Variants in FRMD6 observed in about 807,000 individuals in gnomAD.
FRMD6 encodes the protein FERM domain containing 6, also known as FERM domain-containing protein 6.
A neutral mutation model predicts 73.2 loss-of-function variants in FRMD6; 37 were observed. That is an observed-to-expected ratio of 0.51 (90% CI 0.39 to 0.66). The LOEUF (loss-of-function observed/expected upper bound fraction) is 0.66. Among genes scored for constraint, FRMD6 ranks in the 30% least tolerant of loss-of-function variants. The probability of loss-of-function intolerance (pLI) is 0.00; values close to 1 mark genes in which losing one functional copy is unlikely to be tolerated. For missense variants in FRMD6, 714 were observed against 780.5 expected, an observed-to-expected ratio of 0.91 and a Z score of 1.02; for synonymous variants, 273 against 282.2, an observed-to-expected ratio of 0.97 and a Z score of 0.33.
chr14:51,708,707 G>GT (rs34563001), intron 7 of FRMD6, among the ~76,000 whole-genome samples: 1 of 151,638 alleles, frequency 6.6e-6, no homozygotes, highest in Non-Finnish European at 1.5e-5. Context: ...CTTTATATGT[G>GT]TTTTTTTTAA....
the FRMD6 span, among the ~76,000 whole-genome samples, chr14:51,424,060 A>G: frequency 6.6e-6 from 1 of 152,228 alleles, no homozygotes; most frequent in African/African-American, 2.4e-5. Context: ...TAGGCAACTG[A>G]AAAATTGGGC....
chr14:51,696,887 G>C (rs1895978104), intron 2 of FRMD6, among the ~76,000 whole-genome samples: 1 of 152,016 alleles, frequency 6.6e-6, no homozygotes, highest in South Asian at 2.1e-4. Context: ...CTGAGTAGAC[G>C]TCCCTCAAAA....
chr14:51,521,577 CTG>C (rs1884955908), intron 1 of FRMD6, among the ~76,000 whole-genome samples: 1 of 151,418 alleles, frequency 6.6e-6, no homozygotes, highest in Admixed American at 6.6e-5. Context: ...AAAAAAAAGA[CTG>C]GTGTCATTTT....
At chr14:51,462,816 G>C in the FRMD6 span, among the ~76,000 whole-genome samples, 1 of 152,138 alleles carries the variant, frequency 6.6e-6, no homozygotes, top group Non-Finnish European at 1.5e-5. Flanking sequence ...TAAAGGGAGA[G>C]AGAGAAAGGG....
At chr14:51,649,223 ATACT>A (rs1366108113), upstream of FRMD6, among the ~76,000 whole-genome samples, 9 of 152,336 alleles carry the variant, frequency 5.9e-5, no homozygotes, top group African/African-American at 2.2e-4. Flanking sequence ...AGAGTTTAAA[ATACT>A]TAGTTTGCAA....
upstream of FRMD6, among the ~76,000 whole-genome samples, chr14:51,648,676 GAACT>G (rs771652232): frequency 9.2e-5 from 14 of 152,274 alleles, no homozygotes; most frequent in East Asian, 1.9e-4. Context: ...ACCATAGCAT[GAACT>G]AACTATGTTG....
intron 1 of FRMD6, among the ~76,000 whole-genome samples, chr14:51,524,133 T>G (rs1178702871): frequency 6.6e-6 from 1 of 152,168 alleles, no homozygotes; most frequent in African/African-American, 2.4e-5. Flanking sequence ...GCATGTGATT[T>G]GCAGTTAAGA....
At chr14:51,605,932 T>C (rs1264119790) in intron 2 of FRMD6, among the ~76,000 whole-genome samples, 1 of 151,482 alleles carries the variant, frequency 6.6e-6, no homozygotes, top group Non-Finnish European at 1.5e-5. Context: ...CACTCCACTT[T>C]ATTACTCAGG....
At chr14:51,663,329 C>T (rs1028053817) in intron 1 of FRMD6, among the ~76,000 whole-genome samples, 1 of 152,216 alleles carries the variant, frequency 6.6e-6, no homozygotes, top group Non-Finnish European at 1.5e-5. Context: ...TTCATTGCTA[C>T]ACTATTCACA....
intron 2 of FRMD6, among the ~76,000 whole-genome samples, chr14:51,607,717 C>G (rs914558426): frequency 6.6e-6 from 1 of 152,218 alleles, no homozygotes; most frequent in Non-Finnish European, 1.5e-5. Flanking sequence ...TAAAACTTGC[C>G]ATTTCCCTTA....
At position 51,596,526 on chromosome 14, in the gene FRMD6, T is replaced by C. The variant is rs1186802221; in HGVS notation, c.-147+26116T>C. Among the ~76,000 whole-genome samples, 3 of 152,194 alleles carry C rather than the reference T, an allele frequency of 2.0e-5. No individual in the cohort carries two copies. In the East Asian group the frequency reaches 5.8e-4, roughly 29 times the overall value. On this transcript the variant is annotated intron_variant, in intron 2 of 14. Transcript: ENST00000356218. ...ATACTTACATGAAAATTAGAAAAAG[T>C]GTACTCCTTCGTAAGTTTACCCATG...
At chr14:51,591,774 T>C (rs10136289) in intron 2 of FRMD6, among the ~76,000 whole-genome samples, 3,383 of 152,180 alleles carry the variant, frequency 0.022, 138 homozygotes, top group African/African-American at 0.078. Flanking sequence ...AACTCCTGAC[T>C]TCGTGATCCA....
chr14:51,427,207 TC>T, the FRMD6 span, among the ~76,000 whole-genome samples: 1 of 152,194 alleles, frequency 6.6e-6, no homozygotes, highest in African/African-American at 2.4e-5. Context: ...GTGGGGAAGT[TC>T]CCTAGAGCAC....
At chr14:51,613,571 T>G (rs534476766) in intron 2 of FRMD6, among the ~76,000 whole-genome samples, 2 of 151,998 alleles carry the variant, frequency 1.3e-5, no homozygotes. Flanking sequence ...ACACCAGCAA[T>G]GTTAGAGGTT....
At chr14:51,574,757 A>G (rs1888316715) in intron 2 of FRMD6, among the ~76,000 whole-genome samples, 1 of 152,224 alleles carries the variant, frequency 6.6e-6, no homozygotes, top group South Asian at 2.1e-4. Context: ...CTAATATTTG[A>G]TAGTACAACA....
In FRMD6 at chr14:51,677,302, TAAGTA is replaced by T. The variant is rs977422185; in HGVS notation, c.-146-12384_-146-12380del. ...TGGGAAGAAGTATTTCAGGGGAAAA[TAAGTA>T]AAGTTAATGTTAAGATTCATATATT... On this transcript the variant is annotated intron_variant, in intron 1 of 13. Coordinates refer to ENST00000344768, the MANE Select transcript of FRMD6 (RefSeq NM_001267046.2). Among the ~76,000 whole-genome samples, 10 of 152,002 alleles carry T rather than the reference TAAGTA, an allele frequency of 6.6e-5. 1 individual carries two copies. The highest frequency in any genetic ancestry group is 5.9e-5 in the Non-Finnish European group (4 of 67,974).
intron 1 of FRMD6, among the ~76,000 whole-genome samples, chr14:51,492,067 C>T (rs1177479822): frequency 6.6e-6 from 1 of 152,208 alleles, no homozygotes; most frequent in Non-Finnish European, 1.5e-5. Context: ...TCTAACTCTG[C>T]AGGAACATAT....
the FRMD6 span, among the ~76,000 whole-genome samples, chr14:51,409,064 GA>G: frequency 6.6e-6 from 1 of 152,256 alleles, no homozygotes; most frequent in Non-Finnish European, 1.5e-5. Flanking sequence ...CCCACAGTTT[GA>G]GAGAGACAGT....
intron 11 of FRMD6, among the ~76,000 whole-genome samples, chr14:51,721,742 G>A (rs1204985091): frequency 8.8e-6 from 1 of 114,054 alleles, no homozygotes; most frequent in East Asian, 2.7e-4. Context: ...GAGGGAGGAA[G>A]GAAGGGAGGA....
Sources: gnomAD v4.1 joint callset for allele counts (sites outside exome capture counted in the v4.1 genomes callset) on GRCh38, gnomAD v4.1.1 for gene constraint, MANE v1.5 for transcripts, NCBI Gene and HGNC (gene_info 2026-07-23, HGNC 2026-07-21) for gene names.